ACE: variants seen among roughly 807,000 people sequenced by gnomAD.
The protein encoded by ACE is angiotensin I converting enzyme.
In ACE, 122 loss-of-function variants were observed where a neutral mutation model predicts 162.3. The observed-to-expected ratio is 0.75, with a 90% CI of 0.65 to 0.87. The LOEUF (loss-of-function observed/expected upper bound fraction) is 0.87. Ranked by LOEUF, ACE falls within the 40% of genes least tolerant of loss-of-function variation. The pLI, the probability that ACE is intolerant of heterozygous loss-of-function variation, is 0.00. For synonymous variants in ACE, 796 were observed against 720.6 expected (o/e 1.10, Z -1.68); for missense variants, 1,799 against 1,735.1 (o/e 1.04, Z -0.65).
Position 63,496,864 on chromosome 17 carries a change from C to T in ACE, c.3570C>T (p.Pro1190=). Residue 1190 remains proline, a synonymous_variant, in exon 24 of 25, where the codon CCC becomes CCT. Transcript: ENST00000290866. The stretch of plus-strand genomic sequence containing the variant: ...CCATGCAGCTGATCACGGGCCAGCC[C>T]AACATGAGCGCCTCGGCCATGTTGA... ...PEAMQLITGQ[P]NMSASAMLSY... is the part of the protein sequence containing the mutation. 1 of 1,613,640 alleles carries T rather than the reference C, an allele frequency of 6.2e-7. No individual in the cohort carries two copies. Among genetic ancestry groups the T allele is most frequent in the Non-Finnish European group, 8.5e-7 (1 of 1,180,036 alleles).
rs2030335337 is a variant in ACE at position 63,491,008 on chromosome 17, C to T, written c.2696C>T (p.Pro899Leu). The T allele has an allele frequency of 1.2e-6, 2 of 1,614,250 alleles. No homozygotes were observed. The highest frequency in any genetic ancestry group is 1.7e-6 in the Non-Finnish European group (2 of 1,180,052). Residue 899 changes from proline (P) to leucine (L), a missense_variant, in exon 18 of 25, where the codon CCT (proline) becomes CTT (leucine). Physicochemically the swap from Pro to Leu is moderately conservative, Grantham distance 98 (BLOSUM62 -3). Coordinates refer to ENST00000290866, the MANE Select transcript of ACE (RefSeq NM_000789.4). This position sits in a 1 kb window ranked among gnomAD's most constrained non-coding sequence, Gnocchi z 4.4. Reference sequence around the variant, plus strand: ...ATCTATGACTTGGTGGTGCCCTTCCCTTCAGCCCCCTCGATGGACACCACA... The same window carrying T: ...ATCTATGACTTGGTGGTGCCCTTCCTTTCAGCCCCCTCGATGGACACCACA... ...SNIYDLVVPFPSAPSMDTTEA... is the reference protein window; with the variant it reads ...SNIYDLVVPFLSAPSMDTTEA...
intron 3 of ACE, 21 bp downstream of exon 3, chr17:63,479,121 C>T: frequency 6.3e-7 from 1 of 1,586,160 alleles, no homozygotes; most frequent in Non-Finnish European, 8.6e-7. Context: ...TGCAGCTCCC[C>T]TCTCGGCGGT....
intron 4 of ACE, 43 bp from the exon 5 acceptor site, chr17:63,480,294 G>A (rs200348541): frequency 1.6e-5 from 25 of 1,604,766 alleles, no homozygotes; most frequent in African/African-American, 1.2e-4. Context: ...GCTGAGGTCC[G>A]AGCCTTTGGC....
intron 15 of ACE, among the ~76,000 whole-genome samples, chr17:63,487,337 A>G (rs12720732): frequency 0.041 from 6,182 of 152,084 alleles, 380 homozygotes; most frequent in African/African-American, 0.14. Context: ...TCCTCTCTGC[A>G]TGCCGCCCCT....
intron 13 of ACE, chr17:63,485,607 C>T (rs2029884420): frequency 2.0e-6 from 1 of 506,850 alleles, no homozygotes; most frequent in African/African-American, 1.9e-5. Context: ...GAAACCCCAT[C>T]TCTAGTAAAA....
chr17:63,494,478 G>A lies in ACE; in HGVS notation c.3380+8G>A, dbSNP rs374129950. On this transcript the variant is annotated splice_region_variant and intron_variant, in intron 22 of 24. Coordinates refer to ENST00000290866, the MANE Select transcript of ACE (RefSeq NM_000789.4). ...TAGCGTGCCTTACATCAGGTAACGG[G>A]AAAGGCAGGAGGGCACATTGTGAGG... is the stretch of plus-strand genomic sequence containing the variant. 12 of 1,611,530 alleles carry A rather than the reference G, an allele frequency of 7.4e-6. No individual in the cohort carries two copies. Among genetic ancestry groups the A allele is most frequent in the Non-Finnish European group, 8.5e-6 (10 of 1,178,260 alleles).
intron 14 of ACE, 108 bp from the exon 15 acceptor site, chr17:63,486,878 A>T (rs2029982981): frequency 2.7e-6 from 4 of 1,462,786 alleles, no homozygotes; most frequent in Non-Finnish European, 3.8e-6. Flanking sequence ...AGCGCTCCCC[A>T]GCTCCCTGGC....
In ACE at chr17:63,494,423, T is replaced by A. The variant is rs1465879181; in HGVS notation, c.3333T>A (p.Phe1111Leu). The A allele has an allele frequency of 1.2e-6, 2 of 1,614,200 alleles. No homozygotes were observed. ...CAGTGCCCAGGACTCAAGGTGACTT[T>A]GACCCAGGGGCCAAGTTCCACATTC... is the stretch of plus-strand genomic sequence containing the variant. Reference protein sequence around the residue: ...CPPVPRTQGDFDPGAKFHIPS... With the variant: ...CPPVPRTQGDLDPGAKFHIPS... The change falls in exon 22 of 25, where the codon TTT becomes TTA. Residue 1111 changes from phenylalanine (F) to leucine (L), a missense_variant. Physicochemically the swap from Phe to Leu is conservative, Grantham distance 22. Coordinates refer to ENST00000290866, the MANE Select transcript of ACE (RefSeq NM_000789.4).
chr17:63,496,388 C>G lies in ACE; in HGVS notation c.3381-6C>G. ...CGCCCCGGGCCACGGCCTCGCTCTG[C>G]TCCAGGTACTTTGTCAGCTTCATCA... is the stretch of plus-strand genomic sequence containing the variant. On this transcript the variant is annotated splice_polypyrimidine_tract_variant and splice_region_variant and intron_variant, in intron 22 of 24. Transcript: ENST00000290866. The G allele has an allele frequency of 6.2e-7, 1 of 1,614,176 alleles. No individual in the cohort carries two copies. The highest frequency in any genetic ancestry group is 1.6e-4 in the Middle Eastern group (1 of 6,062).
chr17:63,480,568 G>A (rs2049690605), intron 5 of ACE, 40 bp downstream of exon 5: 2 of 1,608,304 alleles, frequency 1.2e-6, no homozygotes, highest in Non-Finnish European at 1.7e-6. Context: ...TCCCACGGAA[G>A]TGTGGGTCCC....
chr17:63,485,541 G>A lies in ACE; in HGVS notation c.2058+169G>A, dbSNP rs552267833. On this transcript the variant is annotated intron_variant, in intron 13 of 24. Coordinates refer to ENST00000290866, the MANE Select transcript of ACE (RefSeq NM_000789.4). ...CACGCCTGTAATCCCAGCACTTTGG[G>A]AGGGGGAGGCGGGCGGATCACGAGG... 2.1e-4 allele frequency: 195 copies of A among 911,518 alleles called. 3 individuals are homozygous for A. In the South Asian group the frequency reaches 2.7e-3, roughly 12 times the overall value. The allele number at this position is 911,518 out of a possible 1,614,324, so 56.5% of individuals were successfully genotyped here. A position where few individuals can be genotyped will look rare whatever the true frequency, so the allele number is the denominator to read the frequency against.
rs544285860 is a variant in ACE, at chr17:63,478,917, C to T, written c.418-90C>T. ...TGAGTGGCCTTGTCCAAGCTACATC[C>T]ACTCTGTGGGCTCCTCCTTCTAGCA... On this transcript the variant is annotated intron_variant, in intron 2 of 24. Transcript: ENST00000290866. 8.0e-6 allele frequency: 9 copies of T among 1,118,436 alleles called. No individual in the cohort carries two copies. The South Asian group carries it at 1.1e-4, about 13-fold the overall frequency. The allele number at this position is 1,118,436 out of a possible 1,614,324, so 69.3% of individuals were successfully genotyped here.
rs371338390 is a variant in ACE at position 63,490,798 on chromosome 17, A to G, written c.2642-156A>G. 64 of 736,364 alleles carry G rather than the reference A, an allele frequency of 8.7e-5. 2 individuals are homozygous for G. Among genetic ancestry groups the G allele is most frequent in the East Asian group, 3.6e-4 (14 of 38,794 alleles). 45.6% of individuals were successfully genotyped at this position (736,364 alleles called of 1,614,324 possible). A position where few individuals can be genotyped will look rare whatever the true frequency, so the allele number is the denominator to read the frequency against. On this transcript the variant is annotated intron_variant, in intron 17 of 24. Coordinates refer to ENST00000290866, the MANE Select transcript of ACE (RefSeq NM_000789.4). ...ACTGGGCTGGATATGCACACCAAAG[A>G]TGATGTGTGCCTCAAAGCTTGCAAA...
At chr17:63,487,438 G>A (rs1354041514) in intron 15 of ACE, among the ~76,000 whole-genome samples, 2 of 152,008 alleles carry the variant, frequency 1.3e-5, no homozygotes, top group Non-Finnish European at 2.9e-5. Context: ...GCCTCCTTTC[G>A]TGACCCTGCC....
At chr17:63,480,554 T>A (rs1361959777) in intron 5 of ACE, 26 bp downstream of exon 5, 1 of 1,612,238 alleles carries the variant, frequency 6.2e-7, no homozygotes. Context: ...CGCCTCCACA[T>A]GAGTCCCACG....
At chr17:63,486,370 G>A in intron 13 of ACE, 187 bp from the exon 14 acceptor site, 1 of 660,556 alleles carries the variant, frequency 1.5e-6, no homozygotes, top group South Asian at 1.8e-5. Flanking sequence ...CATCCAGGGA[G>A]GGTGAGTACT....
intron 2 of ACE, 157 bp downstream of exon 2, chr17:63,478,255 C>A: frequency 2.1e-6 from 2 of 975,026 alleles, no homozygotes; most frequent in African/African-American, 1.6e-5. Flanking sequence ...GCTTTCTGAG[C>A]ATTGATTTTT....
chr17:63,496,546 C>A, intron 23 of ACE, 30 bp downstream of exon 23: 1 of 1,613,564 alleles, frequency 6.2e-7, no homozygotes, highest in South Asian at 1.1e-5. Context: ...CCTTTGTTTC[C>A]ATGCTCTGGC....
chr17:63,481,946 A>G (rs564504305), intron 7 of ACE, among the ~76,000 whole-genome samples: 3 of 152,120 alleles, frequency 2.0e-5, no homozygotes, highest in Admixed American at 1.3e-4. Flanking sequence ...AGTCACTTCT[A>G]TACCTTGGAA....
Sources: allele counts gnomAD v4.1 joint callset (sites outside exome capture counted in the v4.1 genomes callset), GRCh38; gene constraint gnomAD v4.1.1; non-coding constraint Gnocchi (gnomAD v3.1); transcripts MANE v1.5; gene names NCBI Gene and HGNC (gene_info 2026-07-23, HGNC 2026-07-21).